Variants in FILIP1 observed in about 807,000 individuals in gnomAD.
The protein encoded by FILIP1 is filamin-A-interacting protein 1.
In FILIP1, 61 loss-of-function variants were observed where a neutral mutation model predicts 102.1. That is an observed-to-expected ratio of 0.60 (90% CI 0.49 to 0.74). FILIP1 has a LOEUF of 0.74. Ranked by LOEUF, FILIP1 falls within the 30% of genes least tolerant of loss-of-function variation. The pLI is 0.00. For missense variants in FILIP1, 1,314 were observed against 1,441.2 expected (o/e 0.91, Z 1.43); for synonymous variants, 491 against 526.9 (o/e 0.93, Z 0.93).
intron 2 of FILIP1, among the ~76,000 whole-genome samples, chr6:75,406,746 G>T (rs868812964): frequency 6.9e-6 from 1 of 144,306 alleles, no homozygotes; most frequent in African/African-American, 2.6e-5. Context: ...TGCAACCTCC[G>T]CCTCCCAGGT....
rs1554200298 is a variant in FILIP1, at chr6:75,326,095, T to TAGATAGATAGATAGATTAGA, written c.630-10894_630-10893insTCTAATCTATCTATCTATCT. ...ATAGATAGATAGATAGATAGATAGA[T>TAGATAGATAGATAGATTAGA]TAGATAGATAGATAGAGAGATAGAT... On this transcript the variant is annotated intron_variant, in intron 4 of 5. Coordinates refer to ENST00000237172, the MANE Select transcript of FILIP1 (RefSeq NM_015687.5). Among the ~76,000 whole-genome samples, 325 of 144,940 alleles carry TAGATAGATAGATAGATTAGA rather than the reference T, an allele frequency of 2.2e-3. 1 individual carries two copies. Among genetic ancestry groups the TAGATAGATAGATAGATTAGA allele is most frequent in the African/African-American group, 7.8e-3 (305 of 39,088 alleles).
At chr6:75,372,669 GAAAGAAAGAAAGAAAGA>G (rs1562514533) in intron 2 of FILIP1, among the ~76,000 whole-genome samples, 20 of 57,146 alleles carry the variant, frequency 3.5e-4, no homozygotes, top group African/African-American at 1.1e-3. Context: ...AAGAAAGAAA[GAAAGAAAGAAAGAAAGA>G]GAAAGAAAGA....
intron 4 of FILIP1, among the ~76,000 whole-genome samples, chr6:75,331,060 G>T (rs967727369): frequency 1.3e-5 from 2 of 152,140 alleles, no homozygotes; most frequent in African/African-American, 4.8e-5. Context: ...TATCAGGTAA[G>T]CAGAAACTTG....
At chr6:75,483,313 T>G (rs185587589) in intron 1 of FILIP1, among the ~76,000 whole-genome samples, 1 of 152,298 alleles carries the variant, frequency 6.6e-6, no homozygotes, top group East Asian at 1.9e-4. Context: ...GCAAAGTGAT[T>G]AATCCTTTCC....
intron 1 of FILIP1, among the ~76,000 whole-genome samples, chr6:75,419,674 C>CA (rs1008049830): frequency 6.6e-6 from 1 of 152,080 alleles, no homozygotes; most frequent in East Asian, 1.9e-4. Context: ...ACCCAAAACT[C>CA]AAAAAGAAAA....
rs190573830 is a variant in FILIP1 at position 75,465,635 on chromosome 6, T to C, written c.-7+27779A>G. ...TTTAAGCAGTCTTCATTTTCCACAG[T>C]AGTATATTTTCCAGGTGCATCTTAT... On this transcript the variant is annotated intron_variant, in intron 1 of 5. Coordinates refer to ENST00000237172, the MANE Select transcript of FILIP1 (RefSeq NM_015687.5). 5.9e-5 allele frequency: 19 copies of C among 321,144 alleles called. No individual in the cohort carries two copies. In the Admixed American group the frequency reaches 9.2e-4, roughly 16 times the overall value. The allele number at this position is 321,144 out of a possible 1,614,324, so 19.9% of individuals were successfully genotyped here. A position where few individuals can be genotyped will look rare whatever the true frequency, so the allele number is the denominator to read the frequency against.
intron 2 of FILIP1, among the ~76,000 whole-genome samples, chr6:75,377,477 G>T (rs1358609941): frequency 6.6e-6 from 1 of 152,178 alleles, no homozygotes; most frequent in Non-Finnish European, 1.5e-5. Flanking sequence ...AGAGATACGT[G>T]ATGCTCTGCG....
intron 2 of FILIP1, among the ~76,000 whole-genome samples, chr6:75,375,073 T>C (rs55948905): frequency 0.077 from 11,743 of 152,108 alleles, 676 homozygotes; most frequent in Middle Eastern, 0.16. Flanking sequence ...TGAAGGACAA[T>C]AGAGCAGGGT....
At chr6:75,375,377 T>C (rs1775718356) in intron 2 of FILIP1, among the ~76,000 whole-genome samples, 1 of 152,168 alleles carries the variant, frequency 6.6e-6, no homozygotes, top group Admixed American at 6.5e-5. Flanking sequence ...AGCGAGTCTT[T>C]GGGGCACACA....
chr6:75,418,756 A>T (rs1223025919), intron 1 of FILIP1, among the ~76,000 whole-genome samples: 1 of 152,228 alleles, frequency 6.6e-6, no homozygotes, highest in East Asian at 1.9e-4. Flanking sequence ...TGAAGATTCA[A>T]ATCACGTTTT....
At chr6:75,303,323 A>G (rs1369766987), downstream of FILIP1, among the ~76,000 whole-genome samples, 1 of 152,248 alleles carries the variant, frequency 6.6e-6, no homozygotes, top group Non-Finnish European at 1.5e-5. Context: ...CTGGGTGTAG[A>G]TGAAATAACC....
At chr6:75,396,275 A>G (rs1455262690) in intron 2 of FILIP1, among the ~76,000 whole-genome samples, 2 of 151,500 alleles carry the variant, frequency 1.3e-5, no homozygotes, top group African/African-American at 4.8e-5. Flanking sequence ...GACAGACTTG[A>G]TCAGTTTTGT....
intron 1 of FILIP1, among the ~76,000 whole-genome samples, chr6:75,441,855 CCCGG>C: frequency 8.1e-5 from 12 of 147,280 alleles, no homozygotes; most frequent in South Asian, 4.2e-4. Context: ...CCACCTCCCT[CCCGG>C]ACGGGGCAGC....
intron 1 of FILIP1, chr6:75,428,329 T>A (rs1198822588): frequency 6.6e-6 from 1 of 152,466 alleles, no homozygotes; most frequent in South Asian, 2.1e-4. Context: ...ATACTGCAAG[T>A]GGAAAAGCTC....
intron 1 of FILIP1, among the ~76,000 whole-genome samples, chr6:75,463,189 C>G (rs1282878074): frequency 4.6e-5 from 7 of 152,320 alleles, no homozygotes; most frequent in Middle Eastern, 6.8e-3. Flanking sequence ...AATTGCTGCT[C>G]TCAGCGCACA....
intron 1 of FILIP1, among the ~76,000 whole-genome samples, chr6:75,490,070 T>C (rs1016787839): frequency 6.6e-6 from 1 of 152,098 alleles, no homozygotes; most frequent in African/African-American, 2.4e-5. Context: ...ATATGTTTTA[T>C]GAAAAAATGC....
chr6:75,311,156 T>C (rs1773169766), intron 5 of FILIP1, among the ~76,000 whole-genome samples: 1 of 152,218 alleles, frequency 6.6e-6, no homozygotes, highest in Middle Eastern at 3.4e-3. Flanking sequence ...ACTGGAAGTA[T>C]TTTGAAAAAT....
intron 2 of FILIP1, among the ~76,000 whole-genome samples, chr6:75,393,813 C>A (rs1404919220): frequency 6.6e-6 from 1 of 152,164 alleles, no homozygotes; most frequent in Non-Finnish European, 1.5e-5. Context: ...CTGTTGGGTT[C>A]TGCTAATTGG....
At chr6:75,339,495 T>C (rs1774350438) in intron 4 of FILIP1, among the ~76,000 whole-genome samples, 2 of 152,248 alleles carry the variant, frequency 1.3e-5, no homozygotes, top group Admixed American at 6.5e-5. Context: ...TGCTTTTAAA[T>C]CCTTCAGTTT....
Sources: gnomAD v4.1 joint callset for allele counts (sites outside exome capture counted in the v4.1 genomes callset) on GRCh38, gnomAD v4.1.1 for gene constraint, MANE v1.5 for transcripts, NCBI Gene and HGNC (gene_info 2026-07-23, HGNC 2026-07-21) for gene names.